Variants in ZNF608 observed in about 807,000 individuals in gnomAD.
ZNF608 encodes the protein renal carcinoma antigen NY-REN-36.
Under a neutral mutation model 109.0 loss-of-function variants are expected in ZNF608, and 12 were observed. The ratio of observed to expected loss-of-function variants is 0.11; its 90% confidence interval spans 0.07 to 0.18. The LOEUF is 0.18. Ranked by LOEUF, ZNF608 falls within the 10% of genes least tolerant of loss-of-function variation. The probability of loss-of-function intolerance (pLI) is 1.00; values close to 1 mark genes in which losing one functional copy is unlikely to be tolerated. For synonymous variants in ZNF608, 732 were observed against 717.4 expected, an observed-to-expected ratio of 1.02 and a Z score of -0.33; for missense variants, 1,707 against 1,879.3, an observed-to-expected ratio of 0.91 and a Z score of 1.70.
chr5:124,717,577 T>A (rs1417783647), intron 2 of ZNF608, among the ~76,000 whole-genome samples: 2 of 152,230 alleles, frequency 1.3e-5, no homozygotes, highest in Non-Finnish European at 2.9e-5. Context: ...AAAGATTAAC[T>A]AATGTTAGCA....
chr5:124,746,058 C>A, intron 1 of ZNF608, 137 bp downstream of exon 1: 5 of 939,930 alleles, frequency 5.3e-6, no homozygotes, highest in Non-Finnish European at 6.3e-6. Flanking sequence ...CCTCAATGAC[C>A]GCAAATGAGT....
chr5:124,745,234 A>T, intron 1 of ZNF608, 62 bp from the exon 2 acceptor site: 1 of 1,350,658 alleles, frequency 7.4e-7, no homozygotes, highest in South Asian at 1.9e-5. Context: ...ATAAAAAACG[A>T]TTAGTATTGG....
intron 3 of ZNF608, among the ~76,000 whole-genome samples, chr5:124,697,525 A>G (rs12656255): frequency 0.03 from 4,512 of 152,288 alleles, 166 homozygotes; most frequent in East Asian, 0.13. Flanking sequence ...TTAAAGAAAA[A>G]AGATCAGAGT....
intron 3 of ZNF608, among the ~76,000 whole-genome samples, chr5:124,678,575 C>T (rs1752059888): frequency 6.6e-6 from 1 of 152,224 alleles, no homozygotes. Flanking sequence ...CCCATGCTCA[C>T]ATCTAGACTG....
Position 124,648,737 on chromosome 5 carries a change from A to T in ZNF608, c.1647T>A (p.Ser549=). 6.2e-7 allele frequency: 1 copy of T among 1,614,198 alleles called. No individual in the cohort carries two copies. Among genetic ancestry groups the T allele is most frequent in the Non-Finnish European group, 8.5e-7 (1 of 1,180,038 alleles). The part of the protein sequence containing the change: ...ETTFLDQGCS[S]PVLIDCPHPN... ...GGTGGGGACAGTCGATTAACACTGG[A>T]GAAGAGCAGCCTTGGTCCAAAAAAG... Residue 549 remains serine, a synonymous_variant, in exon 5 of 10, where the codon TCT becomes TCA. Coordinates refer to ENST00000513986, the MANE Select transcript of ZNF608 (RefSeq NM_020747.3).
chr5:124,708,832 C>A (rs1753364662), intron 2 of ZNF608: 1 of 444,728 alleles, frequency 2.2e-6, no homozygotes. Flanking sequence ...AAGACGGATG[C>A]TTCCACCTCC....
intron 3 of ZNF608, among the ~76,000 whole-genome samples, chr5:124,695,369 G>C (rs1752805500): frequency 6.6e-6 from 1 of 152,134 alleles, no homozygotes; most frequent in Admixed American, 6.5e-5. Flanking sequence ...AATTTCAAAA[G>C]AAAAGTTCTA....
At chr5:124,687,533 A>T (rs186453116) in intron 3 of ZNF608, among the ~76,000 whole-genome samples, 150 of 152,354 alleles carry the variant, frequency 9.8e-4, no homozygotes, top group Non-Finnish European at 1.8e-3. Flanking sequence ...CAATTCCAAG[A>T]AATTATCAAA....
intron 2 of ZNF608, among the ~76,000 whole-genome samples, chr5:124,713,785 G>A (rs980684962): frequency 2.0e-5 from 3 of 152,252 alleles, no homozygotes; most frequent in East Asian, 3.9e-4. Context: ...GAGGGGGAGG[G>A]GAAGTTAACA....
intron 2 of ZNF608, among the ~76,000 whole-genome samples, chr5:124,739,753 G>A (rs1459985581): frequency 6.6e-6 from 1 of 152,092 alleles, no homozygotes; most frequent in Admixed American, 6.5e-5. Flanking sequence ...AAGAATACAC[G>A]CGCACACACA....
At chr5:124,646,312 T>G (rs560271800) in intron 5 of ZNF608, among the ~76,000 whole-genome samples, 19 of 152,166 alleles carry the variant, frequency 1.2e-4, no homozygotes, top group African/African-American at 4.6e-4. Context: ...GAGCCAAGAT[T>G]GCACCACTGC....
chr5:124,738,536 T>G (rs950156207), intron 2 of ZNF608, among the ~76,000 whole-genome samples: 1 of 152,334 alleles, frequency 6.6e-6, no homozygotes, highest in Admixed American at 6.5e-5. Flanking sequence ...CCACCTCTTC[T>G]ACACCTCTAG....
intron 2 of ZNF608, among the ~76,000 whole-genome samples, chr5:124,705,132 G>A (rs1753208840): frequency 6.6e-6 from 1 of 152,174 alleles, no homozygotes; most frequent in Non-Finnish European, 1.5e-5. Context: ...TTATACAAAA[G>A]ATCAACTCCA....
chr5:124,703,634 G>A (rs1175005063), intron 2 of ZNF608, among the ~76,000 whole-genome samples: 1 of 152,162 alleles, frequency 6.6e-6, no homozygotes, highest in Non-Finnish European at 1.5e-5. Context: ...GCCAGGCATG[G>A]TGGCATGCGA....
At chr5:124,656,415 G>A (rs975816406) in intron 3 of ZNF608, among the ~76,000 whole-genome samples, 23 of 152,116 alleles carry the variant, frequency 1.5e-4, no homozygotes, top group African/African-American at 1.4e-4. Context: ...CTCTATCTGC[G>A]TTAATTATAA....
At chr5:124,695,645 G>A (rs1752816774) in intron 3 of ZNF608, among the ~76,000 whole-genome samples, 1 of 151,986 alleles carries the variant, frequency 6.6e-6, no homozygotes, top group Admixed American at 6.6e-5. Flanking sequence ...GTATGCACCT[G>A]TGGTCCCAGC....
Position 124,649,072 on chromosome 5 carries a change from C to A in ZNF608, c.1312G>T (p.Ala438Ser), listed in dbSNP as rs1408298730. The A allele has an allele frequency of 6.2e-7, 1 of 1,612,178 alleles. No individual in the cohort carries two copies. Among genetic ancestry groups the A allele is most frequent in the Admixed American group, 1.7e-5 (1 of 59,438 alleles). Residue 438 changes from alanine (A) to serine (S), a missense_variant, in exon 5 of 10, where the codon GCG becomes TCG. Physicochemically the swap from Ala to Ser is moderately conservative, Grantham distance 99. This residue lies in a region of ZNF608 where 166 missense variants were observed against 204.2 expected (regional missense o/e 0.81). Transcript: ENST00000513986. ...CCCGGGGCAGCAGCAGCAGACCTCGCTCTCTTCCCTCTGCCCCGGCCCCCT... is the reference window on the plus strand; with the variant it reads ...CCCGGGGCAGCAGCAGCAGACCTCGATCTCTTCCCTCTGCCCCGGCCCCCT... ...MRGGRGRGKRARSAAAAPGSE... is the reference protein window; with the variant it reads ...MRGGRGRGKRSRSAAAAPGSE...
chr5:124,691,020 G>A (rs1202494048), intron 3 of ZNF608, among the ~76,000 whole-genome samples: 1 of 151,508 alleles, frequency 6.6e-6, no homozygotes. Context: ...TGGGTTATTT[G>A]TTATTTGCTA....
chr5:124,715,336 G>C (rs938529614), intron 2 of ZNF608, among the ~76,000 whole-genome samples: 1 of 152,128 alleles, frequency 6.6e-6, no homozygotes, highest in Admixed American at 6.5e-5. Flanking sequence ...ACGCTCTCTT[G>C]GCATCACGTT....
Sources: allele counts gnomAD v4.1 joint callset (sites outside exome capture counted in the v4.1 genomes callset), GRCh38; gene constraint gnomAD v4.1.1; regional missense constraint gnomAD v4.1.1; transcripts MANE v1.5; gene names NCBI Gene and HGNC (gene_info 2026-07-23, HGNC 2026-07-21).